Variants in MYT1L observed in about 807,000 individuals in gnomAD.
MYT1L encodes myelin transcription factor 1-like protein.
MYT1L carries 12 observed loss-of-function variants against 126.7 expected under a neutral mutation model. The ratio of observed to expected loss-of-function variants is 0.09; its 90% CI spans 0.06 to 0.15. The LOEUF (loss-of-function observed/expected upper bound fraction) is 0.15, where lower values mean the gene tolerates loss of function less well. Ranked by LOEUF, MYT1L falls within the 10% of genes least tolerant of loss-of-function variation. The pLI is 1.00. For missense variants in MYT1L, 979 were observed against 1,585.2 expected, an observed-to-expected ratio of 0.62 and a Z score of 6.49; for synonymous variants, 541 against 604.2, an observed-to-expected ratio of 0.90 and a Z score of 1.53.
chr2:2,095,097 T>C (rs1470551372), intron 3 of MYT1L, among the ~76,000 whole-genome samples: 1 of 152,202 alleles, frequency 6.6e-6, no homozygotes, highest in Non-Finnish European at 1.5e-5. Context: ...CAAAACCTCC[T>C]AGACTTTAGT....
At chr2:2,067,828 T>C (rs1558908768) in intron 3 of MYT1L, among the ~76,000 whole-genome samples, 1 of 152,078 alleles carries the variant, frequency 6.6e-6, no homozygotes, top group Non-Finnish European at 1.5e-5. Flanking sequence ...TAAAAATAAA[T>C]AAAAGCATAC....
At chr2:1,882,011 A>AAGGACTG (rs2047622890) in intron 18 of MYT1L, among the ~76,000 whole-genome samples, 1 of 152,150 alleles carries the variant, frequency 6.6e-6, no homozygotes, top group Non-Finnish European at 1.5e-5. Flanking sequence ...TTGTCTCTAC[A>AAGGACTG]TCTCAACTGG....
chr2:1,914,572 C>A (rs2052543277), intron 11 of MYT1L, among the ~76,000 whole-genome samples: 2 of 152,156 alleles, frequency 1.3e-5, no homozygotes, highest in African/African-American at 4.8e-5. Context: ...TCCAGAGCCA[C>A]CTTCCCAAAC....
At chr2:2,325,268 A>G (rs952603953) in intron 1 of MYT1L, 8 of 152,200 alleles carry the variant, frequency 5.3e-5, no homozygotes, top group African/African-American at 1.9e-4. Flanking sequence ...AAGAATGGTG[A>G]CACAAGAGTT....
intron 3 of MYT1L, among the ~76,000 whole-genome samples, chr2:2,095,095 C>T (rs1240835090): frequency 6.6e-6 from 1 of 152,230 alleles, no homozygotes; most frequent in African/African-American, 2.4e-5. Flanking sequence ...CACAAAACCT[C>T]CTAGACTTTA....
intron 19 of MYT1L, among the ~76,000 whole-genome samples, chr2:1,849,630 G>GC (rs1206116647): frequency 6.6e-6 from 1 of 152,230 alleles, no homozygotes; most frequent in Non-Finnish European, 1.5e-5. Flanking sequence ...GCGGAGGACG[G>GC]CCCCCACGGC....
At chr2:2,312,027 C>T (rs185519184) in intron 1 of MYT1L, among the ~76,000 whole-genome samples, 106 of 152,274 alleles carry the variant, frequency 7.0e-4, no homozygotes, top group African/African-American at 2.5e-3. Flanking sequence ...GGAAACAAGC[C>T]TAGATTTGTG....
chr2:2,212,522 C>T (rs1008599611), intron 2 of MYT1L, among the ~76,000 whole-genome samples: 4 of 152,100 alleles, frequency 2.6e-5, no homozygotes, highest in Non-Finnish European at 5.9e-5. Context: ...CACATACAAA[C>T]ACATTTTGAT....
At chr2:2,025,646 C>G (rs1475254137) in intron 4 of MYT1L, among the ~76,000 whole-genome samples, 1 of 152,184 alleles carries the variant, frequency 6.6e-6, no homozygotes, top group Non-Finnish European at 1.5e-5. Flanking sequence ...ACGCCCAAGT[C>G]TTCCTGAGCA....
chr2:1,874,687 G>A (rs1250880810), intron 18 of MYT1L, among the ~76,000 whole-genome samples: 1 of 152,276 alleles, frequency 6.6e-6, no homozygotes, highest in East Asian at 1.9e-4. Flanking sequence ...AGGGAGCCAC[G>A]TCCCTCTGCC....
At chr2:1,813,806 T>C (rs1291035274) in intron 21 of MYT1L, among the ~76,000 whole-genome samples, 4 of 145,886 alleles carry the variant, frequency 2.7e-5, no homozygotes, top group Non-Finnish European at 6.0e-5. Flanking sequence ...GGCGGGCGGA[T>C]CACGCGGTCA....
chr2:2,044,020 C>A (rs745754230), intron 4 of MYT1L, among the ~76,000 whole-genome samples: 5 of 151,872 alleles, frequency 3.3e-5, no homozygotes, highest in Admixed American at 2.0e-4. Flanking sequence ...TCAAAAGGTA[C>A]TTTTCTTTCA....
Position 1,801,904 on chromosome 2 carries a change from C to T in MYT1L, c.3173-105G>A, listed in dbSNP as rs2034920062. On this transcript the variant is annotated intron_variant, in intron 22 of 24. Coordinates refer to ENST00000647738, the MANE Select transcript of MYT1L (RefSeq NM_001303052.2). This position sits in a 1 kb window ranked among gnomAD's most constrained non-coding sequence, Gnocchi z 4.2. ...CCTTTTATATTCGTAATTGAATTTG[C>T]TTGGAAAATAGACTCTTGAATTAGA... 1 of 682,476 alleles carries T rather than the reference C, an allele frequency of 1.5e-6. No homozygotes were observed. The allele number at this position is 682,476 out of a possible 1,614,324, so 42.3% of individuals were successfully genotyped here.
At chr2:1,809,367 T>C (rs1458568569) in intron 21 of MYT1L, among the ~76,000 whole-genome samples, 200 bp from the exon 22 acceptor site, 1 of 152,180 alleles carries the variant, frequency 6.6e-6, no homozygotes, top group East Asian at 1.9e-4. Flanking sequence ...TGTGCACTCA[T>C]GCATGTGGTG....
intron 21 of MYT1L, among the ~76,000 whole-genome samples, chr2:1,829,108 G>A (rs998138166): frequency 2.6e-5 from 4 of 152,084 alleles, no homozygotes; most frequent in Non-Finnish European, 5.9e-5. Context: ...GCTGCCCAGC[G>A]CTTGGTGAGG....
chr2:2,249,970 G>C (rs2094604555), intron 2 of MYT1L, among the ~76,000 whole-genome samples: 1 of 152,058 alleles, frequency 6.6e-6, no homozygotes, highest in South Asian at 2.1e-4. Flanking sequence ...GCTACAATGA[G>C]ATATCATCTC....
chr2:2,040,188 T>C (rs548644266), intron 4 of MYT1L, among the ~76,000 whole-genome samples: 2 of 152,174 alleles, frequency 1.3e-5, no homozygotes, highest in Non-Finnish European at 2.9e-5. Flanking sequence ...GGCTGTATAT[T>C]TGGAAACTAG....
At chr2:2,201,109 A>G (rs943763533) in intron 2 of MYT1L, among the ~76,000 whole-genome samples, 1 of 152,218 alleles carries the variant, frequency 6.6e-6, no homozygotes. Flanking sequence ...CTGAGTGGAA[A>G]AAATAAATCC....
At chr2:1,835,577 AAAAC>A (rs1238994651) in intron 21 of MYT1L, among the ~76,000 whole-genome samples, 3 of 152,198 alleles carry the variant, frequency 2.0e-5, no homozygotes, top group Admixed American at 1.3e-4. Context: ...CACAACTACA[AAAAC>A]AAACAGAACA....
Sources: allele counts gnomAD v4.1 joint callset (sites outside exome capture counted in the v4.1 genomes callset), GRCh38; gene constraint gnomAD v4.1.1; non-coding constraint Gnocchi (gnomAD v3.1); transcripts MANE v1.5; gene names NCBI Gene and HGNC (gene_info 2026-07-23, HGNC 2026-07-21).